The following REEP5 variants were observed in gnomAD, a reference collection of about 807,000 sequenced individuals.
REEP5 encodes the protein receptor accessory protein 5, also known as receptor expression-enhancing protein 5.
A neutral mutation model predicts 22.4 loss-of-function variants in REEP5; 24 were observed. The ratio of observed to expected loss-of-function variants is 1.07; its 90% CI spans 0.78 to 1.51. REEP5 has a LOEUF of 1.51. Among genes scored for constraint, REEP5 ranks in the 40% most tolerant of loss-of-function variants. REEP5 has a pLI of 0.00. For synonymous variants in REEP5, 103 were observed against 88.6 expected, an observed-to-expected ratio of 1.16 and a Z score of -0.92; for missense variants, 252 against 233.0, an observed-to-expected ratio of 1.08 and a Z score of -0.53.
At chr5:112,908,277 AT>A (rs1263754168) in intron 2 of REEP5, among the ~76,000 whole-genome samples, 3 of 151,208 alleles carry the variant, frequency 2.0e-5, no homozygotes, top group African/African-American at 4.9e-5. Flanking sequence ...GTTTTTTTGT[AT>A]TTTTAGTAGA....
At chr5:112,905,694 C>T (rs1768942531) in intron 2 of REEP5, among the ~76,000 whole-genome samples, 1 of 152,070 alleles carries the variant, frequency 6.6e-6, no homozygotes, top group African/African-American at 2.4e-5. Flanking sequence ...GATCACAACT[C>T]ACTGCGGCCT....
rs1039800731 is a variant in REEP5 at position 112,878,116 on chromosome 5, A to G, written c.*670T>C. ...TCATATGCCATATACTACGGAAACA[A>G]CCAGGCCAATCTCCATTCGATTTCA... On this transcript the variant is annotated 3_prime_UTR_variant, in exon 5 of 5. Transcript: ENST00000379638. The G allele has an allele frequency of 2.6e-5, 4 of 152,404 alleles. No individual in the cohort carries two copies. Among genetic ancestry groups the G allele is most frequent in the Non-Finnish European group, 4.4e-5 (3 of 68,050 alleles). The allele number at this position is 152,404 out of a possible 1,614,324, so 9.4% of individuals were successfully genotyped here. A position where few individuals can be genotyped will look rare whatever the true frequency, so the allele number is the denominator to read the frequency against.
chr5:112,908,794 A>G (rs1480140100), intron 2 of REEP5, among the ~76,000 whole-genome samples: 2 of 151,196 alleles, frequency 1.3e-5, no homozygotes, highest in African/African-American at 4.9e-5. Context: ...TGACCTCGTG[A>G]TCCGCCCACC....
intron 3 of REEP5, among the ~76,000 whole-genome samples, chr5:112,901,557 C>A (rs1405064551): frequency 6.6e-6 from 1 of 151,952 alleles, no homozygotes; most frequent in Non-Finnish European, 1.5e-5. Context: ...AAAAAAAATA[C>A]AAAAATTGAC....
At chr5:112,886,764 C>G (rs536564877) in intron 4 of REEP5, among the ~76,000 whole-genome samples, 2 of 152,128 alleles carry the variant, frequency 1.3e-5, no homozygotes, top group Non-Finnish European at 2.9e-5. Flanking sequence ...TCGCTGCCTA[C>G]CAAGGAAAGT....
intron 4 of REEP5, among the ~76,000 whole-genome samples, chr5:112,886,414 T>A (rs1479893920): frequency 6.6e-6 from 1 of 152,238 alleles, no homozygotes; most frequent in Non-Finnish European, 1.5e-5. Flanking sequence ...GACATGGAAT[T>A]CATGAATGGC....
At position 112,878,844 on chromosome 5, in the gene REEP5, T is replaced by G. The variant is rs772772904; in HGVS notation, c.521-9A>C. The stretch of plus-strand genomic sequence containing the variant: ...CACGGTAGCTTTCTTCGCTGTTTGT[T>G]TGTTAGGAGGGAAAGAAAAATATAT... On this transcript the variant is annotated splice_polypyrimidine_tract_variant and intron_variant, in intron 4 of 4. Transcript: ENST00000379638. 2.5e-6 allele frequency: 4 copies of G among 1,614,000 alleles called. No individual in the cohort carries two copies. The Admixed American group carries it at 6.7e-5, about 27-fold the overall frequency.
intron 3 of REEP5, chr5:112,896,021 G>C (rs1007101011): frequency 6.6e-6 from 1 of 152,506 alleles, no homozygotes; most frequent in African/African-American, 2.4e-5. Flanking sequence ...GTCACCATGT[G>C]ATTTTCCCCC....
Position 112,902,453 on chromosome 5 carries a change from T to C in REEP5, c.278A>G (p.Tyr93Cys), listed in dbSNP as rs201166291. ...DTQWLTYWVV[Y>C]GVFSIAEFFS... ...GAATTCAGCAATGCTGAACACACCA[T>C]ACACTACCCAGTAGGTCAGCCACTG... The change falls in exon 3 of 5, where the codon TAT (tyrosine) becomes TGT (cysteine). Residue 93 changes from tyrosine to cysteine, a missense_variant. Coordinates refer to ENST00000379638, the MANE Select transcript of REEP5 (RefSeq NM_005669.5). The C allele has an allele frequency of 2.0e-5, 32 of 1,613,334 alleles. No homozygotes were observed. Among genetic ancestry groups the C allele is most frequent in the South Asian group, 2.2e-5 (2 of 90,964 alleles).
At chr5:112,913,210 G>A (rs893933818) in intron 2 of REEP5, among the ~76,000 whole-genome samples, 3 of 151,986 alleles carry the variant, frequency 2.0e-5, no homozygotes, top group Admixed American at 6.6e-5. Context: ...CAGGAGAATC[G>A]CTTGAACCCG....
chr5:112,887,708 T>G (rs962967938), intron 3 of REEP5, among the ~76,000 whole-genome samples: 1 of 152,218 alleles, frequency 6.6e-6, no homozygotes, highest in Non-Finnish European at 1.5e-5. Context: ...CTTCAAGGAA[T>G]CTTTACAGTT....
chr5:112,889,898 C>G (rs1768381481), intron 3 of REEP5, among the ~76,000 whole-genome samples: 2 of 148,818 alleles, frequency 1.3e-5, no homozygotes, highest in African/African-American at 2.5e-5. Context: ...ACAATATCAG[C>G]TCACTGCAAC....
chr5:112,921,718 A>C, intron 1 of REEP5: 1 of 228,364 alleles, frequency 4.4e-6, no homozygotes. Context: ...AGGACCGGGT[A>C]CCTCCGTCAA....
chr5:112,921,304 C>T (rs1250189699), intron 1 of REEP5, 48 bp from the exon 2 acceptor site: 2 of 1,579,476 alleles, frequency 1.3e-6, no homozygotes, highest in Non-Finnish European at 1.7e-6. Flanking sequence ...GAGAGCCGTT[C>T]ACGCGGGACA....
rs34612314 is a variant in REEP5 at position 112,897,351 on chromosome 5, TCACACACACACACACACA to T, written c.351+5011_351+5028del. 6.1e-5 allele frequency: 6 copies of T among 97,820 alleles called. No individual in the cohort carries two copies. The South Asian group carries it at 1.5e-3, about 24-fold the overall frequency. 6.1% of individuals were successfully genotyped at this position (97,820 alleles called of 1,614,324 possible). ...TCCTCCCTACATAAAACACATCCCA[TCACACACACACACACACA>T]CACACACACACACACACACACACAC... On this transcript the variant is annotated intron_variant, in intron 3 of 4. Transcript: ENST00000379638.
Position 112,887,165 on chromosome 5 carries a change from A to C in REEP5, c.370T>G (p.Cys124Gly). ...YMLKCGFLLW[C>G]MAPSPSNGAE... Reference sequence around the variant, plus strand: ...CCATTAGAAGGGCTCGGGGCCATGCACCACAACAGGAAGCCACACTGCACA... The same window carrying C: ...CCATTAGAAGGGCTCGGGGCCATGCCCCACAACAGGAAGCCACACTGCACA... Residue 124 changes from cysteine to glycine, a missense_variant, in exon 4 of 5, where the codon TGC becomes GGC. Physicochemically the swap from Cys to Gly is radical, Grantham distance 159 (BLOSUM62 -3). Transcript: ENST00000379638. 1.2e-6 allele frequency: 2 copies of C among 1,604,428 alleles called. No homozygotes were observed. Among genetic ancestry groups the C allele is most frequent in the Non-Finnish European group, 1.7e-6 (2 of 1,173,918 alleles).
rs1767948094 is a variant in REEP5 at position 112,877,979 on chromosome 5, CTCTGTGTGTGTGTG to C, written c.*793_*806del. The C allele has an allele frequency of 1.7e-5, 2 of 115,382 alleles. No individual in the cohort carries two copies. Among genetic ancestry groups the C allele is most frequent in the South Asian group, 2.9e-4 (1 of 3,470 alleles). The allele number at this position is 115,382 out of a possible 1,614,324, so 7.1% of individuals were successfully genotyped here. On this transcript the variant is annotated 3_prime_UTR_variant, in exon 5 of 5. Transcript: ENST00000379638. Reference sequence around the variant, plus strand: ...TCAGGGAATTGAGAGTTACAGGTTACTCTGTGTGTGTGTGTGTGTGTGTGTGTGTGTGTGTGTGT... The same window carrying C: ...TCAGGGAATTGAGAGTTACAGGTTACTGTGTGTGTGTGTGTGTGTGTGTGT...
chr5:112,886,522 A>AG (rs1488364753), intron 4 of REEP5, among the ~76,000 whole-genome samples: 1 of 152,178 alleles, frequency 6.6e-6, no homozygotes, highest in Non-Finnish European at 1.5e-5. Flanking sequence ...CACATACCTG[A>AG]GGGGGCTCTT....
intron 3 of REEP5, among the ~76,000 whole-genome samples, chr5:112,901,514 C>T (rs59752926): frequency 2.0e-5 from 3 of 151,800 alleles, no homozygotes; most frequent in African/African-American, 7.3e-5. Flanking sequence ...TTCGAGAGCA[C>T]CCTGGCCAAC....
Sources: allele counts gnomAD v4.1 joint callset (sites outside exome capture counted in the v4.1 genomes callset), GRCh38; gene constraint gnomAD v4.1.1; transcripts MANE v1.5; gene names NCBI Gene and HGNC (gene_info 2026-07-23, HGNC 2026-07-21).